The following TMC1 variants were observed in gnomAD, a reference collection of about 807,000 sequenced individuals.
TMC1 encodes the protein transmembrane channel like 1.
Under a neutral mutation model 105.8 loss-of-function variants are expected in TMC1, and 84 were observed. The observed-to-expected ratio is 0.79, with a 90% CI of 0.67 to 0.95. The LOEUF (loss-of-function observed/expected upper bound fraction) is 0.95, where lower values mean the gene tolerates loss of function less well. Among genes scored for constraint, TMC1 ranks in the 40% least tolerant of loss-of-function variants. TMC1 has a pLI of 0.00. For missense variants in TMC1, 817 were observed against 914.1 expected, an observed-to-expected ratio of 0.89 and a Z score of 1.37; for synonymous variants, 315 against 311.5, an observed-to-expected ratio of 1.01 and a Z score of -0.12.
intron 5 of TMC1, among the ~76,000 whole-genome samples, chr9:72,688,088 AG>A (rs1037623818): frequency 3.3e-4 from 51 of 152,302 alleles, no homozygotes; most frequent in African/African-American, 1.1e-3. Flanking sequence ...AAACAGAAAA[AG>A]TGTCCTTTGT....
At chr9:72,751,102 A>G (rs1827573573) in intron 10 of TMC1, among the ~76,000 whole-genome samples, 1 of 152,142 alleles carries the variant, frequency 6.6e-6, no homozygotes, top group Non-Finnish European at 1.5e-5. Context: ...ATCTCCTGTC[A>G]TCTACATCTA....
chr9:72,689,095 T>A (rs973485451), intron 6 of TMC1, among the ~76,000 whole-genome samples: 1 of 152,142 alleles, frequency 6.6e-6, no homozygotes, highest in Non-Finnish European at 1.5e-5. Flanking sequence ...AATTGTCCAT[T>A]TTTATGCTTA....
chr9:72,751,366 G>A (rs953996118), intron 10 of TMC1, among the ~76,000 whole-genome samples: 12 of 152,230 alleles, frequency 7.9e-5, no homozygotes, highest in African/African-American at 1.2e-4. Flanking sequence ...ATAACTATCC[G>A]TAAAGGATGT....
intron 8 of TMC1, among the ~76,000 whole-genome samples, chr9:72,705,424 T>A (rs896821037): frequency 7.9e-5 from 12 of 152,134 alleles, no homozygotes; most frequent in African/African-American, 2.9e-4. Flanking sequence ...TAAATTGGAT[T>A]GTGGACCATG....
intron 18 of TMC1, among the ~76,000 whole-genome samples, chr9:72,806,425 G>A (rs1456529511): frequency 6.6e-5 from 10 of 151,338 alleles, no homozygotes; most frequent in African/African-American, 1.9e-4. Context: ...CCTCCCGGAC[G>A]GGGTGGCTGC....
intron 2 of TMC1, among the ~76,000 whole-genome samples, chr9:72,592,776 T>C (rs1026535788): frequency 6.6e-6 from 1 of 152,216 alleles, no homozygotes; most frequent in African/African-American, 2.4e-5. Flanking sequence ...AGCTGTTAAA[T>C]GTCCAATGGG....
chr9:72,525,852 G>A (rs559846978), intron 1 of TMC1, among the ~76,000 whole-genome samples: 2 of 152,288 alleles, frequency 1.3e-5, no homozygotes, highest in South Asian at 4.1e-4. Flanking sequence ...GCCGGGCGTG[G>A]TGGCACACAC....
rs774906752 is a variant in TMC1, at chr9:72,816,249, G to C, written c.1763+39G>C. ...TGGACAGCTTATCACTTACAGAAAA[G>C]CCTCCCAGGTTATTTTTGCATACAG... On this transcript the variant is annotated intron_variant, in intron 19 of 23. Coordinates refer to ENST00000297784, the MANE Select transcript of TMC1 (RefSeq NM_138691.3). 13 of 1,588,016 alleles carry C rather than the reference G, an allele frequency of 8.2e-6. No homozygotes were observed. In the African/African-American group the frequency reaches 1.5e-4, roughly 18 times the overall value.
intron 1 of TMC1, among the ~76,000 whole-genome samples, chr9:72,561,259 A>G (rs1824044042): frequency 7.1e-6 from 1 of 139,906 alleles, no homozygotes; most frequent in African/African-American, 2.7e-5. Flanking sequence ...CACAGCTTGC[A>G]GTGAGCCGAG....
intron 2 of TMC1, among the ~76,000 whole-genome samples, chr9:72,583,192 A>G (rs1824500573): frequency 6.6e-6 from 1 of 152,210 alleles, no homozygotes; most frequent in African/African-American, 2.4e-5. Context: ...ACTGCACTCC[A>G]GCCTGGGTGA....
chr9:72,653,708 AT>A (rs1426494107), intron 5 of TMC1, among the ~76,000 whole-genome samples: 1 of 152,136 alleles, frequency 6.6e-6, no homozygotes, highest in Non-Finnish European at 1.5e-5. Flanking sequence ...CATGATAAAG[AT>A]TTCCGCCGCC....
chr9:72,701,296 G>A (rs977515613), intron 8 of TMC1, among the ~76,000 whole-genome samples: 1 of 152,164 alleles, frequency 6.6e-6, no homozygotes, highest in Non-Finnish European at 1.5e-5. Flanking sequence ...TGATGCTAAT[G>A]TGGACGCGAA....
At chr9:72,642,514 C>T (rs890606999) in intron 4 of TMC1, among the ~76,000 whole-genome samples, 1 of 152,190 alleles carries the variant, frequency 6.6e-6, no homozygotes, top group African/African-American at 2.4e-5. Context: ...TGCATGCCTG[C>T]AGAGGAAACT....
At chr9:72,582,996 G>A (rs1363771153) in intron 2 of TMC1, among the ~76,000 whole-genome samples, 3 of 152,086 alleles carry the variant, frequency 2.0e-5, no homozygotes, top group Admixed American at 1.3e-4. Flanking sequence ...TGAGGTAGGC[G>A]GATCACTTGA....
chr9:72,663,779 T>C (rs557097945), intron 5 of TMC1, among the ~76,000 whole-genome samples: 1 of 114,222 alleles, frequency 8.8e-6, no homozygotes, highest in African/African-American at 4.1e-5. Context: ...TTTTTAATTT[T>C]TTTGAACTTT....
intron 13 of TMC1, among the ~76,000 whole-genome samples, chr9:72,784,468 G>A (rs1828139615): frequency 6.6e-6 from 1 of 152,122 alleles, no homozygotes; most frequent in Non-Finnish European, 1.5e-5. Context: ...GTGGAGAAAA[G>A]GGAACACTTA....
chr9:72,567,950 T>G (rs1824195447), intron 1 of TMC1, among the ~76,000 whole-genome samples: 2 of 152,248 alleles, frequency 1.3e-5, no homozygotes, highest in South Asian at 4.1e-4. Context: ...ATTCCACAGG[T>G]TAAATTTAAA....
At chr9:72,763,784 ATT>A (rs5898270) in intron 12 of TMC1, among the ~76,000 whole-genome samples, 1,669 of 148,054 alleles carry the variant, frequency 0.011, 39 homozygotes, top group African/African-American at 0.037. Context: ...TGCACTAATT[ATT>A]TTTTTTTTTT....
At chr9:72,826,528 C>A (rs565749446) in intron 20 of TMC1, among the ~76,000 whole-genome samples, 1 of 152,290 alleles carries the variant, frequency 6.6e-6, no homozygotes, top group East Asian at 1.9e-4. Context: ...GAGTGTTCTC[C>A]TACAAGAGCA....
Sources: allele counts gnomAD v4.1 joint callset (sites outside exome capture counted in the v4.1 genomes callset), GRCh38; gene constraint gnomAD v4.1.1; transcripts MANE v1.5; gene names NCBI Gene and HGNC (gene_info 2026-07-23, HGNC 2026-07-21).